Variants in PCDHA7 observed in about 807,000 individuals in gnomAD.
The protein encoded by PCDHA7 is protocadherin alpha-7.
PCDHA7 carries 37 observed loss-of-function variants against 57.2 expected under a neutral mutation model. That is an observed-to-expected ratio of 0.65 (90% CI 0.50 to 0.85). The LOEUF (loss-of-function observed/expected upper bound fraction) is 0.85, where lower values mean the gene tolerates loss of function less well. PCDHA7 is among the 40% of genes least tolerant of loss of function. The pLI, the probability that PCDHA7 is intolerant of heterozygous loss-of-function variation, is 0.00. For missense variants in PCDHA7, 1,188 were observed against 1,241.8 expected (o/e 0.96, Z 0.65); for synonymous variants, 553 against 558.8 (o/e 0.99, Z 0.15).
intron 1 of PCDHA7, among the ~76,000 whole-genome samples, chr5:140,964,705 C>T (rs1361202248): frequency 2.6e-5 from 4 of 151,550 alleles, no homozygotes; most frequent in Non-Finnish European, 4.4e-5. Flanking sequence ...TTAAGGCCTC[C>T]GAGATCAAAT....
At chr5:140,877,926 G>T (rs1554170225) in intron 1 of PCDHA7, 1 of 1,415,760 alleles carries the variant, frequency 7.1e-7, no homozygotes, top group East Asian at 2.5e-5. Flanking sequence ...TTTTCTTTAT[G>T]ATTCTATCCT....
chr5:140,875,173 A>G (rs567403390), intron 1 of PCDHA7: 75 of 394,970 alleles, frequency 1.9e-4, no homozygotes, highest in Non-Finnish European at 2.9e-4. Context: ...AAGTCGAAAC[A>G]TTAGAATTAA....
At chr5:140,876,328 C>A in intron 1 of PCDHA7, 1 of 1,613,940 alleles carries the variant, frequency 6.2e-7, no homozygotes, top group Non-Finnish European at 8.5e-7. Flanking sequence ...AATGATTTTG[C>A]CAGTGAGTGA....
chr5:140,996,785 C>G (rs1423473534), intron 3 of PCDHA7, among the ~76,000 whole-genome samples: 2 of 152,148 alleles, frequency 1.3e-5, no homozygotes, highest in Admixed American at 6.5e-5. Context: ...TAGTGCCTCA[C>G]TCCCTACATC....
intron 3 of PCDHA7, among the ~76,000 whole-genome samples, chr5:140,998,708 GC>G (rs1350967952): frequency 1.3e-5 from 2 of 152,024 alleles, no homozygotes; most frequent in Admixed American, 6.6e-5. Context: ...GGGATTACAA[GC>G]TTGCACCACC....
intron 1 of PCDHA7, among the ~76,000 whole-genome samples, chr5:140,977,127 C>T (rs1197401904): frequency 6.6e-6 from 1 of 152,168 alleles, no homozygotes; most frequent in East Asian, 1.9e-4. Flanking sequence ...AACTGAGTTT[C>T]CTGGTCAGTC....
chr5:140,928,573 A>G (rs1353807568), intron 1 of PCDHA7: 2 of 1,614,110 alleles, frequency 1.2e-6, no homozygotes, highest in African/African-American at 1.3e-5. Context: ...TCCCTTGCCC[A>G]GAAATGGTTC....
chr5:141,001,461 C>G (rs2098019350), intron 3 of PCDHA7, among the ~76,000 whole-genome samples: 1 of 152,214 alleles, frequency 6.6e-6, no homozygotes, highest in South Asian at 2.1e-4. Context: ...AATTGAAGGA[C>G]TAAGCAGCAG....
At position 141,009,773 on chromosome 5, in the gene PCDHA7, A is replaced by C. The variant is rs782087059; in HGVS notation, c.2650A>C (p.Ile884Leu). ...KFIIPGSPAI[I>L]SIRQEPTNSQ... is the part of the protein sequence containing the mutation. ...CATTATCCCAGGATCTCCTGCAATC[A>C]TCTCCATCCGGCAGGAGCCTACTAA... Residue 884 changes from isoleucine to leucine, a missense_variant, in exon 4 of 4, where the codon ATC becomes CTC. Physicochemically the swap from Ile to Leu is conservative, Grantham distance 5. Around this residue, in one of 3 missense-constraint regions of PCDHA7, gnomAD observed 892 missense variants for 788.5 expected, o/e 1.13. Transcript: ENST00000525929. 1 of 1,614,128 alleles carries C rather than the reference A, an allele frequency of 6.2e-7. No individual in the cohort carries two copies. Among genetic ancestry groups the C allele is most frequent in the East Asian group, 2.2e-5 (1 of 44,878 alleles).
At chr5:140,912,310 A>T (rs936183695) in intron 1 of PCDHA7, among the ~76,000 whole-genome samples, 1 of 151,764 alleles carries the variant, frequency 6.6e-6, no homozygotes, top group African/African-American at 2.4e-5. Flanking sequence ...AATCCAGTCA[A>T]GTTGACCCTC....
chr5:140,968,159 A>T, intron 1 of PCDHA7: 6 of 1,614,136 alleles, frequency 3.7e-6, no homozygotes, highest in Non-Finnish European at 4.2e-6. Flanking sequence ...CATCAATGAC[A>T]ATCCACCAAG....
At chr5:140,978,420 G>A (rs1489182751) in intron 1 of PCDHA7, among the ~76,000 whole-genome samples, 3 of 152,220 alleles carry the variant, frequency 2.0e-5, no homozygotes, top group African/African-American at 7.2e-5. Flanking sequence ...AAAAGAGACT[G>A]TTATCAGTTG....
chr5:140,869,312 C>G (rs782161322), intron 1 of PCDHA7: 14 of 1,613,636 alleles, frequency 8.7e-6, no homozygotes, highest in Admixed American at 3.3e-5. Flanking sequence ...GCGTCCAAAA[C>G]ACATGGGGAC....
intron 1 of PCDHA7, chr5:140,857,408 T>C: frequency 6.3e-7 from 1 of 1,597,854 alleles, no homozygotes; most frequent in Non-Finnish European, 8.6e-7. Context: ...CGCGCCTGCG[T>C]TCGCGCAGTC....
intron 1 of PCDHA7, chr5:140,843,796 T>C: frequency 2.2e-6 from 3 of 1,356,238 alleles, no homozygotes; most frequent in African/African-American, 1.4e-5. Context: ...GATTTAGTTT[T>C]TCACCGTATT....
intron 1 of PCDHA7, among the ~76,000 whole-genome samples, chr5:140,964,743 T>C (rs1373954630): frequency 6.7e-6 from 1 of 150,048 alleles, no homozygotes; most frequent in Non-Finnish European, 1.5e-5. Flanking sequence ...ACAGAATTAT[T>C]GTAGGGATGT....
At chr5:141,005,939 C>A (rs1183397075) in intron 3 of PCDHA7, among the ~76,000 whole-genome samples, 2 of 151,786 alleles carry the variant, frequency 1.3e-5, no homozygotes, top group Non-Finnish European at 2.9e-5. Flanking sequence ...AGAGTGAGAA[C>A]CTATCTCTAA....
chr5:140,840,084 T>A (rs982040414), intron 1 of PCDHA7, among the ~76,000 whole-genome samples: 2 of 151,904 alleles, frequency 1.3e-5, no homozygotes, highest in Non-Finnish European at 2.9e-5. Context: ...AAAGATAAAC[T>A]TGTTGAAGAT....
At chr5:140,993,460 TCTCACACACACACA>T (rs1441171729) in intron 3 of PCDHA7, among the ~76,000 whole-genome samples, 1 of 104,506 alleles carries the variant, frequency 9.6e-6, no homozygotes, top group Non-Finnish European at 1.9e-5. Flanking sequence ...CTTCTTTCTT[TCTCACACACACACA>T]CACACACACA....
Sources: allele counts gnomAD v4.1 joint callset (sites outside exome capture counted in the v4.1 genomes callset), GRCh38; gene constraint gnomAD v4.1.1; regional missense constraint gnomAD v4.1.1; transcripts MANE v1.5; gene names NCBI Gene and HGNC (gene_info 2026-07-23, HGNC 2026-07-21).